FGF12: variants seen among roughly 807,000 people sequenced by gnomAD.
The protein encoded by FGF12 is fibroblast growth factor 12.
In FGF12, 14 loss-of-function variants were observed where a neutral mutation model predicts 23.6. That is an observed-to-expected ratio of 0.59 (90% CI 0.39 to 0.93). The LOEUF is 0.93. Among genes scored for constraint, FGF12 ranks in the 40% least tolerant of loss-of-function variants. FGF12 has a pLI of 0.00. For missense variants in FGF12, 175 were observed against 217.8 expected (o/e 0.80, Z 1.24); for synonymous variants, 62 against 77.3 (o/e 0.80, Z 1.04).
intron 2 of FGF12, among the ~76,000 whole-genome samples, chr3:192,685,974 T>C (rs1416519330): frequency 6.6e-6 from 1 of 152,122 alleles, no homozygotes; most frequent in East Asian, 1.9e-4. Flanking sequence ...ACAGGCTGTC[T>C]CTCAGGCACT....
intron 2 of FGF12, among the ~76,000 whole-genome samples, chr3:192,413,310 C>T (rs1387516079): frequency 6.6e-6 from 1 of 152,178 alleles, no homozygotes; most frequent in African/African-American, 2.4e-5. Context: ...TCTCTCTGCC[C>T]TCAACAAGCT....
chr3:192,255,778 A>T (rs1435778079), intron 4 of FGF12, among the ~76,000 whole-genome samples: 1 of 152,042 alleles, frequency 6.6e-6, no homozygotes, highest in East Asian at 1.9e-4. Context: ...ACATTTACTA[A>T]ACGTAGCCAT....
At chr3:192,340,789 T>C (rs1212951665) in intron 3 of FGF12, among the ~76,000 whole-genome samples, 2 of 152,108 alleles carry the variant, frequency 1.3e-5, no homozygotes, top group African/African-American at 2.4e-5. Context: ...CCTTATGTTA[T>C]ACCATACATA....
intron 2 of FGF12, among the ~76,000 whole-genome samples, chr3:192,385,056 C>T (rs1719983849): frequency 6.6e-6 from 1 of 152,100 alleles, no homozygotes; most frequent in Non-Finnish European, 1.5e-5. Flanking sequence ...CCTGGCTTTT[C>T]AGGAAGCAGG....
intron 2 of FGF12, among the ~76,000 whole-genome samples, chr3:192,577,429 C>T (rs866026245): frequency 1.3e-5 from 2 of 152,068 alleles, no homozygotes; most frequent in Non-Finnish European, 2.9e-5. Context: ...GTACTCGGTT[C>T]CAGCAGCAAA....
At chr3:192,309,136 T>C (rs760264116) in intron 4 of FGF12, among the ~76,000 whole-genome samples, 7 of 152,022 alleles carry the variant, frequency 4.6e-5, no homozygotes, top group Non-Finnish European at 1.0e-4. Context: ...CATGCTAAAT[T>C]GACTATAAAA....
intron 4 of FGF12, among the ~76,000 whole-genome samples, chr3:192,272,616 A>C (rs537654156): frequency 2.0e-5 from 3 of 152,248 alleles, no homozygotes; most frequent in Admixed American, 6.5e-5. Context: ...TATTTGAGTA[A>C]AACAAAGAAG....
At chr3:192,195,588 T>G (rs78141364) in intron 4 of FGF12, among the ~76,000 whole-genome samples, 2,365 of 152,298 alleles carry the variant, frequency 0.016, 47 homozygotes, top group African/African-American at 0.042. Flanking sequence ...TACCGTCTAG[T>G]TTTCTGTAAG....
intron 2 of FGF12, among the ~76,000 whole-genome samples, chr3:192,567,767 TTCTTTC>T (rs1712386534): frequency 7.5e-6 from 1 of 133,702 alleles, no homozygotes; most frequent in East Asian, 2.1e-4. Flanking sequence ...CTTTCTTTCT[TTCTTTC>T]TTTCTTTCTT....
intron 4 of FGF12, among the ~76,000 whole-genome samples, chr3:192,258,063 G>C (rs1012939558): frequency 1.3e-5 from 2 of 149,636 alleles, no homozygotes; most frequent in African/African-American, 4.9e-5. Flanking sequence ...ATGTTACAAA[G>C]TAAAGGTTGT....
Position 192,140,715 on chromosome 3 carries a change from G to T in FGF12, c.*3294C>A, listed in dbSNP as rs1451557450. Reference sequence around the variant, plus strand: ...TCTGAATTAGAATGAGGCCCATAAAGCATCACATTGCATTACATTGATATC... The same window carrying T: ...TCTGAATTAGAATGAGGCCCATAAATCATCACATTGCATTACATTGATATC... On this transcript the variant is annotated 3_prime_UTR_variant, in exon 6 of 6. Coordinates refer to ENST00000445105, the MANE Select transcript of FGF12 (RefSeq NM_004113.6). 5 of 152,058 alleles carry T rather than the reference G, an allele frequency of 3.3e-5. No individual in the cohort carries two copies. The highest frequency in any genetic ancestry group is 7.4e-5 in the Non-Finnish European group (5 of 67,844). 9.4% of individuals were successfully genotyped at this position (152,058 alleles called of 1,614,324 possible).
chr3:192,144,249 A>G (rs1713569408), intron 5 of FGF12, 122 bp from the exon 6 acceptor site: 1 of 615,686 alleles, frequency 1.6e-6, no homozygotes, highest in African/African-American at 1.9e-5. Flanking sequence ...CTCATTATAA[A>G]AAAACAGTTT....
chr3:192,698,891 AC>A (rs1263190809), intron 2 of FGF12, among the ~76,000 whole-genome samples: 1 of 152,118 alleles, frequency 6.6e-6, no homozygotes, highest in Non-Finnish European at 1.5e-5. Flanking sequence ...AATACACCTC[AC>A]CCTTTCAGAG....
chr3:192,139,468 T>A lies in FGF12; in HGVS notation c.*4541A>T, dbSNP rs1243328659. The A allele has an allele frequency of 1.3e-5, 2 of 152,206 alleles. No homozygotes were observed. The highest frequency in any genetic ancestry group is 1.3e-4 in the Admixed American group (2 of 15,284). 9.4% of individuals were successfully genotyped at this position (152,206 alleles called of 1,614,324 possible). The stretch of plus-strand genomic sequence containing the variant: ...TCATACAACATGTTTACTAAACATT[T>A]CAGTGTCAATAATTTCTTAAGATTG... On this transcript the variant is annotated 3_prime_UTR_variant, in exon 6 of 6. Transcript: ENST00000445105.
At chr3:192,256,649 C>G (rs1472766313) in intron 4 of FGF12, among the ~76,000 whole-genome samples, 4 of 151,990 alleles carry the variant, frequency 2.6e-5, no homozygotes, top group Non-Finnish European at 5.9e-5. Context: ...GCTCTTTGAG[C>G]CATTTTAATT....
At chr3:192,376,353 TTTA>T (rs1560090921) in intron 2 of FGF12, among the ~76,000 whole-genome samples, 1 of 151,322 alleles carries the variant, frequency 6.6e-6, no homozygotes, top group Non-Finnish European at 1.5e-5. Flanking sequence ...TATTTATTTA[TTTA>T]TTTATTTTTA....
intron 2 of FGF12, among the ~76,000 whole-genome samples, chr3:192,714,620 G>A (rs928802232): frequency 2.8e-5 from 4 of 144,656 alleles, no homozygotes; most frequent in African/African-American, 7.8e-5. Context: ...CCGGGTTCAC[G>A]CCATTCTCCT....
At chr3:192,595,284 A>T (rs1313985348) in intron 2 of FGF12, among the ~76,000 whole-genome samples, 2 of 152,200 alleles carry the variant, frequency 1.3e-5, no homozygotes, top group Non-Finnish European at 2.9e-5. Flanking sequence ...GGAAAATTAT[A>T]TTTGGACCTG....
intron 2 of FGF12, among the ~76,000 whole-genome samples, chr3:192,565,994 G>C (rs1712261054): frequency 6.6e-6 from 1 of 152,214 alleles, no homozygotes; most frequent in Admixed American, 6.5e-5. Flanking sequence ...GCTGAGGCAG[G>C]AGAATCACCT....
Sources: gnomAD v4.1 joint callset for allele counts (sites outside exome capture counted in the v4.1 genomes callset) on GRCh38, gnomAD v4.1.1 for gene constraint, MANE v1.5 for transcripts, NCBI Gene and HGNC (gene_info 2026-07-23, HGNC 2026-07-21) for gene names.